FAM135B: variants seen among roughly 807,000 people sequenced by gnomAD.
FAM135B encodes protein FAM135B.
FAM135B carries 43 observed loss-of-function variants against 127.7 expected under a neutral mutation model. The ratio of observed to expected loss-of-function variants is 0.34; its 90% CI spans 0.26 to 0.43. The LOEUF (loss-of-function observed/expected upper bound fraction) is 0.43, where lower values mean the gene tolerates loss of function less well. Among genes scored for constraint, FAM135B ranks in the 20% least tolerant of loss-of-function variants. The probability of loss-of-function intolerance (pLI) is 1.00; values close to 1 mark genes in which losing one functional copy is unlikely to be tolerated. For synonymous variants in FAM135B, 670 were observed against 665.1 expected (o/e 1.01, Z -0.11); for missense variants, 1,558 against 1,725.6 (o/e 0.90, Z 1.72).
chr8:138,315,574 T>G (rs938179060), intron 2 of FAM135B, among the ~76,000 whole-genome samples: 5 of 152,000 alleles, frequency 3.3e-5, no homozygotes, highest in Admixed American at 1.3e-4. Context: ...ACAACATAAG[T>G]GCCCAGCAAT....
intron 1 of FAM135B, among the ~76,000 whole-genome samples, chr8:138,481,396 C>A (rs114877601): frequency 6.6e-6 from 1 of 152,302 alleles, no homozygotes; most frequent in African/African-American, 2.4e-5. Flanking sequence ...GAAACTGGAA[C>A]AGGATTTTTT....
rs188312672 is a variant in FAM135B at position 138,483,401 on chromosome 8, G to C, written c.-20+13270C>G. Among the ~76,000 whole-genome samples, 302 of 152,278 alleles carry C rather than the reference G, an allele frequency of 2.0e-3. 7 individuals are homozygous for C. Among genetic ancestry groups the C allele is most frequent in the Admixed American group, 0.017 (261 of 15,292 alleles). The stretch of plus-strand genomic sequence containing the variant: ...CACAGGCTGTCAGGCCTCCAAGCTG[G>C]GGTCTTAGCCAAGCTGCTGTGGGAG... On this transcript the variant is annotated intron_variant, in intron 1 of 19. Coordinates refer to ENST00000395297, the MANE Select transcript of FAM135B (RefSeq NM_015912.4).
intron 9 of FAM135B, among the ~76,000 whole-genome samples, chr8:138,187,688 T>C (rs185466228): frequency 3.3e-4 from 50 of 152,360 alleles, no homozygotes; most frequent in Middle Eastern, 6.8e-3. Context: ...CCTTGACATT[T>C]CTGAAGTCAT....
intron 1 of FAM135B, among the ~76,000 whole-genome samples, chr8:138,389,895 C>A (rs1232340110): frequency 6.6e-6 from 1 of 152,194 alleles, no homozygotes; most frequent in Non-Finnish European, 1.5e-5. Flanking sequence ...CCTTCCTGAA[C>A]AAGTCAGCCC....
intron 19 of FAM135B, among the ~76,000 whole-genome samples, chr8:138,134,232 GTAA>G (rs1816441641): frequency 6.6e-6 from 1 of 152,090 alleles, no homozygotes; most frequent in South Asian, 2.1e-4. Context: ...TGAACATTAC[GTAA>G]TAATATTTTT....
intron 3 of FAM135B, among the ~76,000 whole-genome samples, chr8:138,306,231 G>A (rs1587027106): frequency 6.6e-6 from 1 of 151,760 alleles, no homozygotes; most frequent in Non-Finnish European, 1.5e-5. Context: ...GGTCAGGAGT[G>A]CAAGACCAGC....
intron 1 of FAM135B, among the ~76,000 whole-genome samples, chr8:138,424,881 T>C (rs1227858494): frequency 6.6e-6 from 1 of 152,182 alleles, no homozygotes; most frequent in South Asian, 2.1e-4. Context: ...TTTTGAACCA[T>C]CCATCACATT....
intron 2 of FAM135B, among the ~76,000 whole-genome samples, chr8:138,333,378 G>A (rs2131006563): frequency 6.6e-6 from 1 of 152,214 alleles, no homozygotes; most frequent in East Asian, 1.9e-4. Flanking sequence ...TTTGTACCAG[G>A]TATGCTGTGT....
intron 1 of FAM135B, among the ~76,000 whole-genome samples, chr8:138,369,342 C>T (rs1830970424): frequency 6.6e-6 from 1 of 152,156 alleles, no homozygotes; most frequent in African/African-American, 2.4e-5. Context: ...CCAGATGCCT[C>T]AGGGACCAGA....
chr8:138,408,068 T>C (rs1286095047), intron 1 of FAM135B, among the ~76,000 whole-genome samples: 1 of 152,198 alleles, frequency 6.6e-6, no homozygotes, highest in African/African-American at 2.4e-5. Flanking sequence ...TTTAGTGTAA[T>C]TCTTAAGGAC....
At chr8:138,263,949 T>C (rs1438166630) in intron 4 of FAM135B, among the ~76,000 whole-genome samples, 1 of 152,160 alleles carries the variant, frequency 6.6e-6, no homozygotes, top group East Asian at 1.9e-4. Flanking sequence ...AATTGTGCCA[T>C]TGCACCCTTC....
intron 1 of FAM135B, among the ~76,000 whole-genome samples, chr8:138,487,164 C>G (rs1181686272): frequency 2.6e-5 from 4 of 152,118 alleles, no homozygotes; most frequent in Non-Finnish European, 4.4e-5. Context: ...TTACATGACC[C>G]TGTCTCACTA....
chr8:138,417,056 T>G (rs1235332136), intron 1 of FAM135B, among the ~76,000 whole-genome samples: 1 of 152,162 alleles, frequency 6.6e-6, no homozygotes, highest in Non-Finnish European at 1.5e-5. Flanking sequence ...CCAGCCTGCA[T>G]GTAGCTTAGA....
At chr8:138,301,324 G>A (rs553707054) in intron 3 of FAM135B, among the ~76,000 whole-genome samples, 7 of 152,216 alleles carry the variant, frequency 4.6e-5, no homozygotes, top group East Asian at 1.9e-4. Flanking sequence ...AACAGAAAGC[G>A]GTCGTCTTGC....
At chr8:138,256,384 C>T (rs902454737) in intron 5 of FAM135B, among the ~76,000 whole-genome samples, 4 of 152,102 alleles carry the variant, frequency 2.6e-5, no homozygotes, top group African/African-American at 9.7e-5. Context: ...TCTAAAACCC[C>T]CAATTTCTAT....
intron 19 of FAM135B, among the ~76,000 whole-genome samples, chr8:138,136,003 A>G (rs952422317): frequency 2.0e-5 from 3 of 152,132 alleles, no homozygotes; most frequent in African/African-American, 7.2e-5. Flanking sequence ...AAAGGATCAT[A>G]AATTATGTAA....
intron 9 of FAM135B, among the ~76,000 whole-genome samples, chr8:138,184,416 T>C (rs1815362451): frequency 6.6e-6 from 1 of 152,108 alleles, no homozygotes; most frequent in Admixed American, 6.5e-5. Flanking sequence ...TGCAGCACAC[T>C]CTGTATGGGA....
At chr8:138,292,992 C>T (rs987511139) in intron 3 of FAM135B, among the ~76,000 whole-genome samples, 4 of 152,110 alleles carry the variant, frequency 2.6e-5, no homozygotes, top group Non-Finnish European at 5.9e-5. Context: ...CATTACCTGG[C>T]TTCAAATTAT....
chr8:138,369,831 A>C (rs1031892843), intron 1 of FAM135B, among the ~76,000 whole-genome samples: 2 of 152,186 alleles, frequency 1.3e-5, no homozygotes, highest in Non-Finnish European at 2.9e-5. Flanking sequence ...CACCCCACTC[A>C]GTCTGAATCC....
Sources: allele counts gnomAD v4.1 joint callset (sites outside exome capture counted in the v4.1 genomes callset), GRCh38; gene constraint gnomAD v4.1.1; transcripts MANE v1.5; gene names NCBI Gene and HGNC (gene_info 2026-07-23, HGNC 2026-07-21).